The following ANXA4 variants were observed in gnomAD, a reference collection of about 807,000 sequenced individuals.
ANXA4 encodes annexin A4, also known as 35-beta calcimedin.
ANXA4 carries 39 observed loss-of-function variants against 49.8 expected under a neutral mutation model. The ratio of observed to expected loss-of-function variants is 0.78; its 90% CI spans 0.61 to 1.02. ANXA4 has a LOEUF of 1.02. Ranked by LOEUF, ANXA4 falls within the 50% of genes least tolerant of loss-of-function variation. The probability of loss-of-function intolerance (pLI) is 0.00; values close to 1 mark genes in which losing one functional copy is unlikely to be tolerated. For synonymous variants in ANXA4, 134 were observed against 152.5 expected, an observed-to-expected ratio of 0.88 and a Z score of 0.89; for missense variants, 360 against 410.1, an observed-to-expected ratio of 0.88 and a Z score of 1.05.
chr2:69,717,258 A>G (rs1043770456), intron 2 of ANXA4, among the ~76,000 whole-genome samples: 1 of 152,172 alleles, frequency 6.6e-6, no homozygotes, highest in South Asian at 2.1e-4. Flanking sequence ...TTGCCTGCCT[A>G]TGCCTTCAAA....
intron 1 of ANXA4, among the ~76,000 whole-genome samples, chr2:69,651,497 CTTG>C (rs560996241): frequency 2.3e-3 from 345 of 151,882 alleles, no homozygotes; most frequent in Middle Eastern, 0.01. Context: ...ATCCATTTGT[CTTG>C]TTGTTGTTGT....
At chr2:69,714,586 C>T (rs1232717298) in intron 2 of ANXA4, among the ~76,000 whole-genome samples, 2 of 152,192 alleles carry the variant, frequency 1.3e-5, no homozygotes, top group Admixed American at 6.5e-5. Context: ...TGGCCGAGCT[C>T]CCATTAACCT....
At chr2:69,679,733 A>G (rs959482373) in intron 2 of ANXA4, among the ~76,000 whole-genome samples, 13 of 152,102 alleles carry the variant, frequency 8.5e-5, no homozygotes, top group African/African-American at 2.7e-4. Flanking sequence ...AGCATATCCA[A>G]TTTTCTAAGC....
At chr2:69,742,786 C>A (rs7424572) in intron 1 of ANXA4, among the ~76,000 whole-genome samples, 86,874 of 151,864 alleles carry the variant, frequency 0.57, 25,801 homozygotes, top group East Asian at 0.7. Flanking sequence ...GCTTCTCAAC[C>A]ATTTACCGGC....
intron 3 of ANXA4, among the ~76,000 whole-genome samples, chr2:69,791,801 A>G (rs989024495): frequency 2.0e-5 from 3 of 152,248 alleles, no homozygotes; most frequent in Non-Finnish European, 4.4e-5. Context: ...TTAAAACAAA[A>G]CAACAATTGT....
At chr2:69,675,068 G>T (rs1480469905) in intron 2 of ANXA4, among the ~76,000 whole-genome samples, 1 of 151,992 alleles carries the variant, frequency 6.6e-6, no homozygotes, top group African/African-American at 2.4e-5. Flanking sequence ...GACTACAGGT[G>T]CCTGTCACCA....
chr2:69,725,746 G>A, intron 3 of ANXA4, among the ~76,000 whole-genome samples: 1 of 152,158 alleles, frequency 6.6e-6, no homozygotes, highest in East Asian at 1.9e-4. Flanking sequence ...TGAGACTCTT[G>A]ATCACTCACA....
intron 3 of ANXA4, among the ~76,000 whole-genome samples, chr2:69,791,897 C>T (rs539265092): frequency 6.6e-6 from 1 of 152,242 alleles, no homozygotes; most frequent in East Asian, 1.9e-4. Flanking sequence ...TTTCAAAAAC[C>T]CAGCATAACA....
At chr2:69,656,585 C>G (rs933091506) in intron 2 of ANXA4, among the ~76,000 whole-genome samples, 1 of 129,830 alleles carries the variant, frequency 7.7e-6, no homozygotes, top group Non-Finnish European at 1.6e-5. Flanking sequence ...TGGAGTCTTG[C>G]TCTATCCCCC....
intron 2 of ANXA4, among the ~76,000 whole-genome samples, chr2:69,664,568 A>C (rs2105330045): frequency 6.6e-6 from 1 of 152,342 alleles, no homozygotes; most frequent in Non-Finnish European, 1.5e-5. Context: ...ACATTCTTGC[A>C]TAGAATAGGT....
chr2:69,820,447 G>A (rs1171581604), intron 11 of ANXA4, among the ~76,000 whole-genome samples: 1 of 152,092 alleles, frequency 6.6e-6, no homozygotes, highest in Non-Finnish European at 1.5e-5. Context: ...GGTATGTCTG[G>A]ACAGCACAGG....
At chr2:69,748,513 CTA>C (rs1670712294) in intron 1 of ANXA4, among the ~76,000 whole-genome samples, 2 of 150,120 alleles carry the variant, frequency 1.3e-5, no homozygotes, top group South Asian at 2.1e-4. Flanking sequence ...AAAATTATAA[CTA>C]TCTTTTATAA....
chr2:69,821,250 G>A (rs1159548191), intron 12 of ANXA4, among the ~76,000 whole-genome samples: 1 of 152,114 alleles, frequency 6.6e-6, no homozygotes, highest in Non-Finnish European at 1.5e-5. Context: ...AAGAGGGCAT[G>A]GTAGTGGTGA....
intron 1 of ANXA4, among the ~76,000 whole-genome samples, chr2:69,645,187 TTAACAG>T (rs1286541474): frequency 6.6e-6 from 1 of 152,206 alleles, no homozygotes; most frequent in Non-Finnish European, 1.5e-5. Context: ...TGTGACTGGG[TTAACAG>T]TAGCGTTTGT....
intron 2 of ANXA4, among the ~76,000 whole-genome samples, chr2:69,653,755 G>A (rs1453916587): frequency 6.6e-6 from 1 of 152,186 alleles, no homozygotes; most frequent in Non-Finnish European, 1.5e-5. Context: ...GCCTCCTTGT[G>A]AAGTTTTAAA....
intron 2 of ANXA4, among the ~76,000 whole-genome samples, chr2:69,708,517 C>A (rs538576037): frequency 3.1e-4 from 46 of 149,450 alleles, no homozygotes; most frequent in African/African-American, 1.2e-3. Flanking sequence ...ATCACTTGAG[C>A]CTGGGAGAAG....
chr2:69,810,784 G>A (rs1053126665), intron 7 of ANXA4, 111 bp downstream of exon 7: 2 of 827,398 alleles, frequency 2.4e-6, no homozygotes, highest in East Asian at 2.5e-5. Context: ...TCCCCAGGTA[G>A]TGTTCTCAGA....
At chr2:69,718,235 C>T (rs1669704866) in intron 2 of ANXA4, among the ~76,000 whole-genome samples, 1 of 152,128 alleles carries the variant, frequency 6.6e-6, no homozygotes, top group Non-Finnish European at 1.5e-5. Context: ...ATTTGCTAGA[C>T]AAAAGCTTGA....
At chr2:69,757,814 C>T (rs957592896) in intron 1 of ANXA4, among the ~76,000 whole-genome samples, 4 of 151,688 alleles carry the variant, frequency 2.6e-5, no homozygotes, top group African/African-American at 9.7e-5. Context: ...CAAAAATTAG[C>T]TGGGCATAGT....
Sources: allele counts gnomAD v4.1 joint callset (sites outside exome capture counted in the v4.1 genomes callset), GRCh38; gene constraint gnomAD v4.1.1; transcripts MANE v1.5; gene names NCBI Gene and HGNC (gene_info 2026-07-23, HGNC 2026-07-21).